Variants in MYRIP observed in about 807,000 individuals in gnomAD.
MYRIP encodes myosin VIIA and Rab interacting protein.
MYRIP carries 49 observed loss-of-function variants against 98.0 expected under a neutral mutation model. That is an observed-to-expected ratio of 0.50 (90% CI 0.40 to 0.63). The LOEUF is 0.63. Among genes scored for constraint, MYRIP ranks in the 30% least tolerant of loss-of-function variants. The probability of loss-of-function intolerance (pLI) is 0.00; values close to 1 mark genes in which losing one functional copy is unlikely to be tolerated. For missense variants in MYRIP, 1,004 were observed against 1,058.2 expected (o/e 0.95, Z 0.71); for synonymous variants, 404 against 409.5 (o/e 0.99, Z 0.16).
chr3:40,009,614 C>T (rs559990443), intron 2 of MYRIP, among the ~76,000 whole-genome samples: 10 of 152,294 alleles, frequency 6.6e-5, no homozygotes, highest in African/African-American at 2.4e-4. Flanking sequence ...CTGAGATGGG[C>T]TTCAAGGGCA....
intron 2 of MYRIP, among the ~76,000 whole-genome samples, chr3:39,985,619 A>G (rs1217870822): frequency 9.1e-5 from 13 of 142,700 alleles, no homozygotes; most frequent in South Asian, 2.4e-4. Context: ...GATATAGATC[A>G]ATGGAACAGA....
At chr3:39,997,995 A>T (rs1413361685) in intron 2 of MYRIP, among the ~76,000 whole-genome samples, 1 of 152,224 alleles carries the variant, frequency 6.6e-6, no homozygotes, top group Non-Finnish European at 1.5e-5. Flanking sequence ...CCTTCATGCT[A>T]AAAACTCTCA....
intron 2 of MYRIP, among the ~76,000 whole-genome samples, chr3:39,973,533 A>C (rs1945657915): frequency 6.6e-6 from 1 of 152,178 alleles, no homozygotes; most frequent in African/African-American, 2.4e-5. Flanking sequence ...AACTGAACTC[A>C]GCTCTGCACC....
intron 1 of MYRIP, among the ~76,000 whole-genome samples, chr3:39,870,219 G>A (rs767892420): frequency 1.3e-5 from 2 of 152,116 alleles, no homozygotes; most frequent in African/African-American, 4.8e-5. Flanking sequence ...AGCTAATGAC[G>A]GTACTTCTAG....
chr3:40,197,603 T>C (rs1426077623), intron 10 of MYRIP, among the ~76,000 whole-genome samples: 1 of 152,242 alleles, frequency 6.6e-6, no homozygotes, highest in Non-Finnish European at 1.5e-5. Flanking sequence ...TGCAGTCTTT[T>C]GTCTTATCTC....
At chr3:39,921,041 T>C (rs946761767) in intron 2 of MYRIP, among the ~76,000 whole-genome samples, 1 of 152,292 alleles carries the variant, frequency 6.6e-6, no homozygotes, top group East Asian at 1.9e-4. Context: ...GCAGTAAAAC[T>C]CTACTTGAAT....
chr3:40,065,565 C>G (rs1324842370), intron 3 of MYRIP, among the ~76,000 whole-genome samples: 1 of 152,044 alleles, frequency 6.6e-6, no homozygotes, highest in African/African-American at 2.4e-5. Context: ...CTGGAATTGG[C>G]ATTGGTGTGA....
intron 1 of MYRIP, among the ~76,000 whole-genome samples, chr3:39,817,932 G>C (rs565938228): frequency 1.8e-4 from 28 of 152,096 alleles, no homozygotes; most frequent in African/African-American, 6.3e-4. Context: ...CTGGTAACAA[G>C]TATCCTTGAA....
chr3:39,994,128 T>C (rs1045475924), intron 2 of MYRIP, among the ~76,000 whole-genome samples: 4 of 152,070 alleles, frequency 2.6e-5, no homozygotes, highest in African/African-American at 9.7e-5. Context: ...AGAAGACAGG[T>C]GATTTCTGCA....
At chr3:40,106,181 A>G (rs1205173864) in intron 3 of MYRIP, among the ~76,000 whole-genome samples, 2 of 152,128 alleles carry the variant, frequency 1.3e-5, no homozygotes, top group Non-Finnish European at 2.9e-5. Flanking sequence ...TATCCAGGTT[A>G]ACAAAACAAT....
At chr3:40,254,910 G>T (rs1048751677) in intron 16 of MYRIP, among the ~76,000 whole-genome samples, 4 of 152,264 alleles carry the variant, frequency 2.6e-5, no homozygotes, top group African/African-American at 9.6e-5. Flanking sequence ...AATTTATTTT[G>T]TTACCTTTTA....
rs547622599 is a variant in MYRIP, at chr3:40,079,455, T to A, written c.332+35184T>A. ...ACAGTTGCCGTTAAATCCACTGGACTAAAGAGTCCTGTTGGCAGCTCACAC... is the reference window on the plus strand; with the variant it reads ...ACAGTTGCCGTTAAATCCACTGGACAAAAGAGTCCTGTTGGCAGCTCACAC... On this transcript the variant is annotated intron_variant, in intron 3 of 16. Coordinates refer to ENST00000302541, the MANE Select transcript of MYRIP (RefSeq NM_015460.4). Among the ~76,000 whole-genome samples the A allele has an allele frequency of 2.6e-5, 4 of 152,336 alleles. No individual in the cohort carries two copies. The South Asian group carries it at 8.3e-4, about 32-fold the overall frequency.
intron 4 of MYRIP, among the ~76,000 whole-genome samples, chr3:40,154,423 G>A (rs989103912): frequency 3.9e-4 from 60 of 152,260 alleles, no homozygotes; most frequent in African/African-American, 1.4e-3. Context: ...GCAAGACCCT[G>A]CCATTTCAGA....
At position 40,054,667 on chromosome 3, in the gene MYRIP, T is replaced by A. The variant is rs567645096; in HGVS notation, c.332+10396T>A. Among the ~76,000 whole-genome samples the A allele has an allele frequency of 3.9e-5, 6 of 152,244 alleles. No individual in the cohort carries two copies. In the East Asian group the frequency reaches 1.2e-3, roughly 29 times the overall value. ...CTGCCTTCAAACTCAAGCTGCAACATCCACTCTTCCCTGGGTCTCCAGCCT... is the reference window on the plus strand; with the variant it reads ...CTGCCTTCAAACTCAAGCTGCAACAACCACTCTTCCCTGGGTCTCCAGCCT... On this transcript the variant is annotated intron_variant, in intron 3 of 16. Transcript: ENST00000302541.
intron 3 of MYRIP, among the ~76,000 whole-genome samples, chr3:40,088,178 G>A (rs1184493705): frequency 2.0e-5 from 3 of 152,274 alleles, no homozygotes; most frequent in African/African-American, 7.2e-5. Flanking sequence ...TTGGCAGCAA[G>A]TAGGGGTAGG....
chr3:40,022,997 A>C (rs555987764), intron 2 of MYRIP, among the ~76,000 whole-genome samples: 1 of 152,214 alleles, frequency 6.6e-6, no homozygotes, highest in Admixed American at 6.5e-5. Flanking sequence ...GACTGAAGAC[A>C]TGAGAACCAC....
Position 40,151,166 on chromosome 3 carries a change from G to T in MYRIP, c.451G>T (p.Ala151Ser). ...CAGGAAGCACCGGCTGGAGAGTGGC[G>T]CGTGCTTCGACATTCTAGGTACTCT... The part of the protein sequence containing the change: ...LYRKHRLESG[A>S]CFDILGGSLF... Residue 151 changes from alanine (A) to serine (S), a missense_variant, in exon 4 of 17, where the codon GCG (alanine) becomes TCG (serine). Physicochemically the swap from Ala to Ser is moderately conservative, Grantham distance 99. Transcript: ENST00000302541. The T allele has an allele frequency of 6.2e-7, 1 of 1,605,916 alleles. No homozygotes were observed. The highest frequency in any genetic ancestry group is 2.2e-5 in the East Asian group (1 of 44,652).
chr3:39,914,781 G>A (rs1944113442), intron 2 of MYRIP, among the ~76,000 whole-genome samples: 2 of 151,944 alleles, frequency 1.3e-5, no homozygotes, highest in Admixed American at 1.3e-4. Context: ...TAACTCACTG[G>A]AGTCCTGATA....
intron 2 of MYRIP, among the ~76,000 whole-genome samples, chr3:39,908,464 AAAT>A (rs1322097972): frequency 3.9e-5 from 6 of 152,170 alleles, no homozygotes; most frequent in African/African-American, 1.4e-4. Flanking sequence ...TGTTCTGAGA[AAAT>A]AAATAAGAGC....
Sources: gnomAD v4.1 joint callset for allele counts (sites outside exome capture counted in the v4.1 genomes callset) on GRCh38, gnomAD v4.1.1 for gene constraint, MANE v1.5 for transcripts, NCBI Gene and HGNC (gene_info 2026-07-23, HGNC 2026-07-21) for gene names.